The following TRNT1 variants were observed in gnomAD, a reference collection of about 807,000 sequenced individuals.
TRNT1 encodes tRNA nucleotidyl transferase 1.
Under a neutral mutation model 45.6 loss-of-function variants are expected in TRNT1, and 44 were observed. That is an observed-to-expected ratio of 0.97 (90% CI 0.76 to 1.24). TRNT1 has a LOEUF of 1.24. Among genes scored for constraint, TRNT1 ranks in the 50% most tolerant of loss-of-function variants. The probability of loss-of-function intolerance (pLI) is 0.00; values close to 1 mark genes in which losing one functional copy is unlikely to be tolerated. For synonymous variants in TRNT1, 201 were observed against 171.4 expected (o/e 1.17, Z -1.35); for missense variants, 633 against 504.4 (o/e 1.25, Z -2.44).
intron 2 of TRNT1, chr3:3,130,027 G>A: frequency 1.7e-6 from 1 of 598,912 alleles, no homozygotes. Flanking sequence ...CTTTAGCTAA[G>A]TGCCAGTAGC....
chr3:3,140,049 G>T (rs1705550665), intron 3 of TRNT1, among the ~76,000 whole-genome samples: 1 of 152,136 alleles, frequency 6.6e-6, no homozygotes, highest in Non-Finnish European at 1.5e-5. Context: ...TTTCACTGGG[G>T]ATTATCAGTA....
chr3:3,144,901 C>T, intron 5 of TRNT1, 191 bp downstream of exon 5: 3 of 362,742 alleles, frequency 8.3e-6, no homozygotes, highest in South Asian at 1.2e-4. Flanking sequence ...ATTTTCATTC[C>T]CAGAACGCAC....
intron 4 of TRNT1, among the ~76,000 whole-genome samples, chr3:3,141,107 G>A (rs935224797): frequency 2.0e-5 from 3 of 151,978 alleles, no homozygotes; most frequent in Non-Finnish European, 2.9e-5. Flanking sequence ...CAAAATCCCT[G>A]GGTTCAAATT....
intron 2 of TRNT1, among the ~76,000 whole-genome samples, chr3:3,132,738 A>AAAC (rs1553552194): frequency 2.3e-4 from 31 of 133,558 alleles, no homozygotes; most frequent in Admixed American, 1.6e-4. Flanking sequence ...AAGGAAAAAA[A>AAAC]AAAAAACACA....
rs1444192982 is a variant in TRNT1, at chr3:3,148,964, A to ATTCTCTAAAGAAAGATTTATTCTC, written c.*821_*822insAAGATTTATTCTCTTCTCTAAAGA. The stretch of plus-strand genomic sequence containing the variant: ...TAAAAGGATATGGCTATTATTATAT[A>ATTCTCTAAAGAAAGATTTATTCTC]TTCTCTAAAGATTTGAGTCCTAAAT... On this transcript the variant is annotated 3_prime_UTR_variant, in exon 8 of 8. Coordinates refer to ENST00000251607, the MANE Select transcript of TRNT1 (RefSeq NM_182916.3). The ATTCTCTAAAGAAAGATTTATTCTC allele has an allele frequency of 3.3e-5, 4 of 121,314 alleles. No individual in the cohort carries two copies. The highest frequency in any genetic ancestry group is 1.1e-4 in the African/African-American group (4 of 35,268). The allele number at this position is 121,314 out of a possible 1,614,324, so 7.5% of individuals were successfully genotyped here.
intron 3 of TRNT1, 89 bp downstream of exon 3, chr3:3,137,542 AGTCT>A: frequency 1.7e-6 from 2 of 1,168,394 alleles, no homozygotes; most frequent in Admixed American, 5.7e-5. Flanking sequence ...AATAACGAAA[AGTCT>A]AATAAAAAAG....
rs558697688 is a variant in TRNT1 at position 3,148,845 on chromosome 3, G to A, written c.*691G>A. On this transcript the variant is annotated 3_prime_UTR_variant, in exon 8 of 8. Coordinates refer to ENST00000251607, the MANE Select transcript of TRNT1 (RefSeq NM_182916.3). ...TTTTAATAAAACAAACATTGGTATTGGAAGATAAATATGTTTATGTGGTAT... is the reference window on the plus strand; with the variant it reads ...TTTTAATAAAACAAACATTGGTATTAGAAGATAAATATGTTTATGTGGTAT... 2.0e-5 allele frequency: 3 copies of A among 152,188 alleles called. No individual in the cohort carries two copies. Among genetic ancestry groups the A allele is most frequent in the South Asian group, 2.1e-4 (1 of 4,822 alleles). The allele number at this position is 152,188 out of a possible 1,614,324, so 9.4% of individuals were successfully genotyped here.
intron 2 of TRNT1, among the ~76,000 whole-genome samples, chr3:3,135,678 A>G (rs1324728974): frequency 6.6e-6 from 1 of 152,220 alleles, no homozygotes. Context: ...GAGTGTGGGC[A>G]GGACAGAAAA....
At chr3:3,150,288 A>G (rs1706422934), downstream of TRNT1, 1 of 152,806 alleles carries the variant, frequency 6.5e-6, no homozygotes, top group South Asian at 2.1e-4. Context: ...AAAAAACTGC[A>G]TATTTTAACT....
chr3:3,147,785 A>C (rs1706149723), intron 7 of TRNT1, 82 bp downstream of exon 7: 1 of 1,522,526 alleles, frequency 6.6e-7, no homozygotes, highest in African/African-American at 1.4e-5. Context: ...AGATCTACAA[A>C]TCTGTGAATT....
chr3:3,129,498 G>A (rs1704864659), intron 2 of TRNT1: 1 of 395,968 alleles, frequency 2.5e-6, no homozygotes, highest in Non-Finnish European at 4.7e-6. Flanking sequence ...AAGGTAGGAG[G>A]ATTGTTTGAG....
chr3:3,128,160 G>A (rs1210104802), intron 1 of TRNT1: 1 of 152,174 alleles, frequency 6.6e-6, no homozygotes, highest in Non-Finnish European at 1.5e-5. Flanking sequence ...AGGTGCTGGG[G>A]TGATTACCCT....
chr3:3,134,863 A>G (rs1167859804), intron 2 of TRNT1, among the ~76,000 whole-genome samples: 3 of 152,258 alleles, frequency 2.0e-5, no homozygotes, highest in East Asian at 3.9e-4. Flanking sequence ...GTATAAAGAT[A>G]TGCTGTACTA....
downstream of TRNT1, among the ~76,000 whole-genome samples, chr3:3,151,312 T>C (rs1706532980): frequency 6.6e-6 from 1 of 152,212 alleles, no homozygotes; most frequent in East Asian, 1.9e-4. Flanking sequence ...TAAGAATTTC[T>C]TTATAGAAAT....
chr3:3,135,065 C>T lies in TRNT1; in HGVS notation c.149-2195C>T, dbSNP rs141406931. ...AGAGAATAGAATAGATTGCATGGTACGAAGGGTAGGTTTTCTTTTATGATA... is the reference window on the plus strand; with the variant it reads ...AGAGAATAGAATAGATTGCATGGTATGAAGGGTAGGTTTTCTTTTATGATA... On this transcript the variant is annotated intron_variant, in intron 2 of 7. Coordinates refer to ENST00000251607, the MANE Select transcript of TRNT1 (RefSeq NM_182916.3). Among the ~76,000 whole-genome samples, 220 of 152,080 alleles carry T rather than the reference C, an allele frequency of 1.4e-3. 2 individuals carry two copies. The highest frequency in any genetic ancestry group is 6.2e-3 in the South Asian group (30 of 4,812).
chr3:3,145,319 T>C (rs334753), intron 5 of TRNT1: 80,333 of 151,900 alleles, frequency 0.53, 22,937 homozygotes, highest in Middle Eastern at 0.72. Context: ...CTGGCTAACA[T>C]GGTGAAACCC....
intron 7 of TRNT1, 88 bp downstream of exon 7, chr3:3,147,791 GAAT>G (rs1706150597): frequency 1.3e-6 from 2 of 1,519,276 alleles, no homozygotes; most frequent in Non-Finnish European, 8.8e-7. Context: ...ACAAATCTGT[GAAT>G]TTTACTTATT....
rs1156364078 is a variant in TRNT1 at position 3,129,023 on chromosome 3, T to G, written c.-18T>G. On this transcript the variant is annotated 5_prime_UTR_variant, in exon 2 of 8. Coordinates refer to ENST00000251607, the MANE Select transcript of TRNT1 (RefSeq NM_182916.3). ...TGTATTTGCCTTGTAGATGTGTAGT[T>G]GGTGACTGCCTCTCCAGATGCTGAG... 6.3e-7 allele frequency: 1 copy of G among 1,586,542 alleles called. No individual in the cohort carries two copies. Among genetic ancestry groups the G allele is most frequent in the Non-Finnish European group, 8.6e-7 (1 of 1,163,570 alleles).
At chr3:3,149,846 T>TTAAAGTAGCAAAGGACTACCAATA (rs1553557371), downstream of TRNT1, 1 of 152,150 alleles carries the variant, frequency 6.6e-6, no homozygotes, top group Non-Finnish European at 1.5e-5. Flanking sequence ...CTGATTAGTT[T>TTAAAGTAGCAAAGGACTACCAATA]TAAAGTAGCA....
Sources: gnomAD v4.1 joint callset for allele counts (sites outside exome capture counted in the v4.1 genomes callset) on GRCh38, gnomAD v4.1.1 for gene constraint, MANE v1.5 for transcripts, NCBI Gene and HGNC (gene_info 2026-07-23, HGNC 2026-07-21) for gene names.